Variants in DNAJC1 observed in about 807,000 individuals in gnomAD.
The protein encoded by DNAJC1 is dnaJ homolog subfamily C member 1.
DNAJC1 carries 58 observed loss-of-function variants against 76.6 expected under a neutral mutation model. The observed-to-expected ratio is 0.76, with a 90% confidence interval of 0.61 to 0.94. The LOEUF is 0.94. Ranked by LOEUF, DNAJC1 falls within the 40% of genes least tolerant of loss-of-function variation. DNAJC1 has a pLI of 0.00. For missense variants in DNAJC1, 689 were observed against 677.3 expected (o/e 1.02, Z -0.19); for synonymous variants, 258 against 267.9 (o/e 0.96, Z 0.36).
chr10:21,925,463 T>C (rs972550290), intron 3 of DNAJC1, among the ~76,000 whole-genome samples: 3 of 152,186 alleles, frequency 2.0e-5, no homozygotes, highest in Admixed American at 6.5e-5. Flanking sequence ...AATGAAAACA[T>C]ATGTCCATCT....
intron 8 of DNAJC1, among the ~76,000 whole-genome samples, chr10:21,867,795 G>A (rs1237503864): frequency 2.6e-5 from 4 of 151,920 alleles, no homozygotes; most frequent in Non-Finnish European, 5.9e-5. Flanking sequence ...TGACAGGCCG[G>A]GTGCCGTAGC....
At chr10:21,987,890 A>T (rs4146689) in intron 1 of DNAJC1, among the ~76,000 whole-genome samples, 1 of 151,984 alleles carries the variant, frequency 6.6e-6, no homozygotes, top group African/African-American at 2.4e-5. Context: ...CATGTTTCTG[A>T]CTTGCCCTTG....
At chr10:21,881,210 T>A (rs772956433) in intron 8 of DNAJC1, among the ~76,000 whole-genome samples, 1 of 152,234 alleles carries the variant, frequency 6.6e-6, no homozygotes, top group Non-Finnish European at 1.5e-5. Flanking sequence ...TGTGGCTGAT[T>A]TGATCTTCTA....
At chr10:21,956,039 C>T (rs533778089) in intron 1 of DNAJC1, among the ~76,000 whole-genome samples, 88 of 152,164 alleles carry the variant, frequency 5.8e-4, no homozygotes, top group Admixed American at 1.0e-3. Context: ...TCTAACAATA[C>T]CCGAGACTGC....
intron 9 of DNAJC1, among the ~76,000 whole-genome samples, chr10:21,781,724 A>AC (rs1307129881): frequency 2.0e-5 from 3 of 148,710 alleles, no homozygotes; most frequent in Non-Finnish European, 4.5e-5. Context: ...GTCTCAAAAA[A>AC]AAAAAAAAAA....
At chr10:21,948,488 C>T (rs1837542455) in intron 1 of DNAJC1, among the ~76,000 whole-genome samples, 3 of 152,030 alleles carry the variant, frequency 2.0e-5, no homozygotes, top group Admixed American at 2.0e-4. Context: ...TGTTTGGTAA[C>T]CTGTAGTATA....
intron 1 of DNAJC1, among the ~76,000 whole-genome samples, chr10:21,982,556 A>C (rs1838174174): frequency 6.6e-6 from 1 of 152,106 alleles, no homozygotes; most frequent in African/African-American, 2.4e-5. Context: ...ACAACAAAAA[A>C]ATCCAATTAA....
intron 1 of DNAJC1, among the ~76,000 whole-genome samples, chr10:21,992,273 C>T (rs1484629346): frequency 7.2e-5 from 11 of 152,162 alleles, no homozygotes; most frequent in Admixed American, 4.6e-4. Flanking sequence ...ATCGTGCCAT[C>T]GCACACCAGC....
chr10:21,825,773 T>C (rs902164721), intron 8 of DNAJC1, among the ~76,000 whole-genome samples: 6 of 152,238 alleles, frequency 3.9e-5, no homozygotes, highest in African/African-American at 1.4e-4. Flanking sequence ...TCCCCAATGA[T>C]TGGTGATGTT....
At chr10:21,774,019 T>C in intron 9 of DNAJC1, among the ~76,000 whole-genome samples, 1 of 149,218 alleles carries the variant, frequency 6.7e-6, no homozygotes, top group African/African-American at 2.4e-5. Context: ...CGGGCGCCTG[T>C]AGTCCCAGCT....
At chr10:21,808,170 T>A (rs1834910845) in intron 8 of DNAJC1, among the ~76,000 whole-genome samples, 1 of 152,134 alleles carries the variant, frequency 6.6e-6, no homozygotes, top group Admixed American at 6.6e-5. Context: ...ATTACCTAAT[T>A]TCTATGTTAT....
At chr10:21,782,459 G>T (rs1414382446) in intron 9 of DNAJC1, among the ~76,000 whole-genome samples, 1 of 152,058 alleles carries the variant, frequency 6.6e-6, no homozygotes, top group Non-Finnish European at 1.5e-5. Context: ...TTCTACCAGA[G>T]GTACAAGGAG....
chr10:21,874,737 C>A (rs1055772114), intron 8 of DNAJC1, among the ~76,000 whole-genome samples: 1 of 152,142 alleles, frequency 6.6e-6, no homozygotes, highest in Non-Finnish European at 1.5e-5. Context: ...GCTAAACAGA[C>A]TAAAAACCAC....
chr10:21,861,911 TTTTA>T (rs900956393), intron 8 of DNAJC1, among the ~76,000 whole-genome samples: 17 of 151,892 alleles, frequency 1.1e-4, no homozygotes, highest in African/African-American at 4.1e-4. Context: ...TTTCTTTATT[TTTTA>T]TTTATTTATT....
intron 9 of DNAJC1, among the ~76,000 whole-genome samples, chr10:21,779,824 C>T (rs984615888): frequency 2.0e-5 from 3 of 152,084 alleles, no homozygotes; most frequent in Admixed American, 6.6e-5. Flanking sequence ...TCGAACCCAT[C>T]GCAAAGAAGC....
chr10:21,919,464 G>C (rs1379605638), intron 5 of DNAJC1, among the ~76,000 whole-genome samples: 5 of 151,934 alleles, frequency 3.3e-5, no homozygotes, highest in Non-Finnish European at 7.4e-5. Flanking sequence ...ATCAATAGAA[G>C]AAATGGTGGT....
At chr10:21,858,979 TA>T (rs775506380) in intron 8 of DNAJC1, among the ~76,000 whole-genome samples, 7 of 152,108 alleles carry the variant, frequency 4.6e-5, no homozygotes, top group African/African-American at 1.7e-4. Flanking sequence ...TTGGAAATTG[TA>T]AAAAAAGTAT....
At chr10:21,950,199 G>A (rs1837569013) in intron 1 of DNAJC1, among the ~76,000 whole-genome samples, 1 of 151,980 alleles carries the variant, frequency 6.6e-6, no homozygotes, top group Non-Finnish European at 1.5e-5. Flanking sequence ...AAGTGTATGG[G>A]TGCCATTTTT....
chr10:21,813,489 G>A (rs1391984222), intron 8 of DNAJC1, among the ~76,000 whole-genome samples: 7 of 151,266 alleles, frequency 4.6e-5, no homozygotes, highest in South Asian at 4.2e-4. Context: ...TCTGCCTCCC[G>A]GGTTCACACC....
Sources: allele counts gnomAD v4.1 joint callset (sites outside exome capture counted in the v4.1 genomes callset), GRCh38; gene constraint gnomAD v4.1.1; transcripts MANE v1.5; gene names NCBI Gene and HGNC (gene_info 2026-07-23, HGNC 2026-07-21).